PPP1R8: variants seen among roughly 807,000 people sequenced by gnomAD.
PPP1R8 encodes the protein protein phosphatase 1 regulatory subunit 8.
A neutral mutation model predicts 31.3 loss-of-function variants in PPP1R8; 4 were observed. That is an observed-to-expected ratio of 0.13 (90% CI 0.06 to 0.29). The LOEUF (loss-of-function observed/expected upper bound fraction) is 0.29, where lower values mean the gene tolerates loss of function less well. PPP1R8 is among the 10% of genes least tolerant of loss of function. The pLI is 1.00. For missense variants in PPP1R8, 254 were observed against 440.1 expected, an observed-to-expected ratio of 0.58 and a Z score of 3.78; for synonymous variants, 170 against 169.7, an observed-to-expected ratio of 1.00 and a Z score of -0.01.
At chr1:27,838,918 T>C in intron 3 of PPP1R8, 66 bp downstream of exon 3, 1 of 1,379,930 alleles carries the variant, frequency 7.2e-7, no homozygotes, top group East Asian at 2.5e-5. Flanking sequence ...TTGGGTTCTT[T>C]AGTTTGGAAA....
In PPP1R8 at chr1:27,850,185, G is replaced by A; in HGVS notation, c.795G>A (p.Gly265=). ...QNFAFSGGLY[G]GLPPTHSEAG... ...TTGCCTTCAGCGGAGGACTCTACGG[G>A]GGCCTGCCCCCCACACACAGTGAAG... is the stretch of plus-strand genomic sequence containing the variant. Residue 265 remains glycine, a synonymous_variant, in exon 7 of 7, where the codon GGG becomes GGA. Coordinates refer to ENST00000311772, the MANE Select transcript of PPP1R8 (RefSeq NM_014110.5). 6.2e-7 allele frequency: 1 copy of A among 1,614,138 alleles called. No homozygotes were observed. Among genetic ancestry groups the A allele is most frequent in the South Asian group, 1.1e-5 (1 of 91,074 alleles).
intron 6 of PPP1R8, among the ~76,000 whole-genome samples, chr1:27,847,872 A>G (rs2089300861): frequency 6.6e-6 from 1 of 152,248 alleles, no homozygotes; most frequent in Non-Finnish European, 1.5e-5. Flanking sequence ...AAGGCTGTAG[A>G]TAACTAGCCA....
intron 1 of PPP1R8, chr1:27,831,273 C>T (rs970830474): frequency 1.7e-5 from 17 of 1,009,442 alleles, no homozygotes; most frequent in Non-Finnish European, 1.9e-5. Context: ...CTCGAGCCAG[C>T]CCCGGCCCCA....
At chr1:27,849,210 A>G (rs2089315107) in intron 6 of PPP1R8, among the ~76,000 whole-genome samples, 1 of 152,046 alleles carries the variant, frequency 6.6e-6, no homozygotes, top group Admixed American at 6.6e-5. Flanking sequence ...TGTCTCTACT[A>G]AAAATACAAA....
rs925002005 is a variant in PPP1R8 at position 27,848,169 on chromosome 1, G to A, written c.702+1077G>A. Among the ~76,000 whole-genome samples, 6 of 152,132 alleles carry A rather than the reference G, an allele frequency of 3.9e-5. No individual in the cohort carries two copies. In the South Asian group the frequency reaches 6.2e-4, roughly 16 times the overall value. On this transcript the variant is annotated intron_variant, in intron 6 of 6. Coordinates refer to ENST00000311772, the MANE Select transcript of PPP1R8 (RefSeq NM_014110.5). ...TGTAATCCCAGCACTTTGGGAGGCC[G>A]AGGTGGGCAGATTACAAGGTCAGGA...
intron 5 of PPP1R8, among the ~76,000 whole-genome samples, chr1:27,845,882 C>T (rs1034259670): frequency 2.7e-5 from 4 of 149,988 alleles, no homozygotes; most frequent in African/African-American, 4.9e-5. Context: ...CTCCACCTCC[C>T]GGGTTCACGC....
intron 1 of PPP1R8, chr1:27,831,290 C>T (rs1056955440): frequency 3.1e-5 from 31 of 1,002,630 alleles, no homozygotes; most frequent in Non-Finnish European, 3.7e-5. Flanking sequence ...CCCAACCCTA[C>T]CTCCAAGCCC....
In PPP1R8 at chr1:27,831,057, C is replaced by T. The variant is rs994354241; in HGVS notation, c.56+166C>T. On this transcript the variant is annotated intron_variant, in intron 1 of 6. Transcript: ENST00000311772. ...CCGGGCCGGGCGACGTGTTGAAGAA[C>T]CGAGAGCCTGGAGCCCAGGCCCAGG... is the stretch of plus-strand genomic sequence containing the variant. The T allele has an allele frequency of 5.0e-6, 7 of 1,391,366 alleles. No homozygotes were observed. In the African/African-American group the frequency reaches 6.0e-5, roughly 12 times the overall value. 86.2% of individuals were successfully genotyped at this position (1,391,366 alleles called of 1,614,324 possible).
rs757465658 is a variant in PPP1R8, at chr1:27,830,908, C to T, written c.56+17C>T. 1.9e-5 allele frequency: 30 copies of T among 1,559,922 alleles called. No individual in the cohort carries two copies. The highest frequency in any genetic ancestry group is 2.4e-5 in the Non-Finnish European group (28 of 1,152,926). On this transcript the variant is annotated intron_variant, in intron 1 of 6. Transcript: ENST00000311772. ...CCCAACCTGGTGAGTGGCGGGGCGG[C>T]CAGGGCTAGAGTGGCCCGGCCGGAG...
intron 2 of PPP1R8, among the ~76,000 whole-genome samples, chr1:27,835,271 T>C (rs2089153674): frequency 6.6e-6 from 1 of 152,200 alleles, no homozygotes; most frequent in Non-Finnish European, 1.5e-5. Context: ...TGTGACAGCA[T>C]AATCCATGTG....
intron 1 of PPP1R8, among the ~76,000 whole-genome samples, chr1:27,832,249 G>T (rs2089117217): frequency 6.6e-6 from 1 of 152,124 alleles, no homozygotes; most frequent in African/African-American, 2.4e-5. Flanking sequence ...TGGTTTCATG[G>T]GGCATGATTT....
intron 1 of PPP1R8, 93 bp from the exon 2 acceptor site, chr1:27,832,662 TG>T: frequency 1.0e-6 from 1 of 993,998 alleles, no homozygotes; most frequent in Non-Finnish European, 1.5e-6. Flanking sequence ...AATTATAGGC[TG>T]GTAGGAGAGC....
intron 3 of PPP1R8, 128 bp from the exon 4 acceptor site, chr1:27,840,886 A>G: frequency 1.1e-6 from 1 of 910,136 alleles, no homozygotes; most frequent in South Asian, 1.6e-5. Context: ...TTAAAAACAG[A>G]CAAAAAAGCA....
chr1:27,830,899 G>GCGGGGCGGC lies in PPP1R8; in HGVS notation c.56+10_56+18dup. ...GTTCGACTGCCCAACCTGGTGAGTG[G>GCGGGGCGGC]CGGGGCGGCCAGGGCTAGAGTGGCC... On this transcript the variant is annotated intron_variant, in intron 1 of 6. Transcript: ENST00000311772. 6.4e-7 allele frequency: 1 copy of GCGGGGCGGC among 1,564,158 alleles called. No homozygotes were observed. Among genetic ancestry groups the GCGGGGCGGC allele is most frequent in the Non-Finnish European group, 8.7e-7 (1 of 1,155,186 alleles).
rs148565168 is a variant in PPP1R8, at chr1:27,843,378, C to T, written c.637+48C>T. 1,677 of 1,608,840 alleles carry T rather than the reference C, an allele frequency of 1.0e-3. 16 individuals are homozygous for T. The African/African-American group carries it at 0.019, about 18-fold the overall frequency. ...TCTGATGAAAAAGCTGTGGTTGGCCCGGGCGCGGTGGCTCACGCCTGTAGT... is the reference window on the plus strand; with the variant it reads ...TCTGATGAAAAAGCTGTGGTTGGCCTGGGCGCGGTGGCTCACGCCTGTAGT... On this transcript the variant is annotated intron_variant, in intron 5 of 6. Transcript: ENST00000311772.
chr1:27,843,561 A>G (rs1450173692), intron 5 of PPP1R8, among the ~76,000 whole-genome samples: 1 of 151,876 alleles, frequency 6.6e-6, no homozygotes, highest in Non-Finnish European at 1.5e-5. Context: ...TTGGGAGGTT[A>G]AGGCAGGAGA....
chr1:27,831,299 C>G, intron 1 of PPP1R8: 9 of 1,001,210 alleles, frequency 9.0e-6, no homozygotes, highest in Non-Finnish European at 1.1e-5. Flanking sequence ...ACCTCCAAGC[C>G]CCGCATCCCT....
Position 27,850,162 on chromosome 1 carries a change from G to C in PPP1R8, c.772G>C (p.Ala258Pro). 6.2e-7 allele frequency: 1 copy of C among 1,613,416 alleles called. No homozygotes were observed. The highest frequency in any genetic ancestry group is 8.5e-7 in the Non-Finnish European group (1 of 1,179,634). ...ESGSRRMQNF[A>P]FSGGLYGGLP... ...AGGGAGCAGGCGCATGCAGAACTTT[G>C]CCTTCAGCGGAGGACTCTACGGGGG... The change falls in exon 7 of 7, where the codon GCC becomes CCC. Residue 258 changes from alanine to proline, a missense_variant. By Grantham distance (27) the Ala-to-Pro change is conservative. This residue lies in a region of PPP1R8 where 105 missense variants were observed against 128.0 expected (regional missense o/e 0.82). Coordinates refer to ENST00000311772, the MANE Select transcript of PPP1R8 (RefSeq NM_014110.5).
chr1:27,830,889 C>T lies in PPP1R8; in HGVS notation c.54C>T (p.Thr18=), dbSNP rs767857758. 6.4e-7 allele frequency: 1 copy of T among 1,569,852 alleles called. No individual in the cohort carries two copies. Among genetic ancestry groups the T allele is most frequent in the Non-Finnish European group, 8.6e-7 (1 of 1,158,378 alleles). The change falls in exon 1 of 7, where the codon ACC becomes ACT. Residue 18 remains threonine (T), a splice_region_variant and synonymous_variant. Coordinates refer to ENST00000311772, the MANE Select transcript of PPP1R8 (RefSeq NM_014110.5). ...GSSLPLFDCP[T]WAGKPPPGLH... ...GCCTCCCGCTGTTCGACTGCCCAACCTGGTGAGTGGCGGGGCGGCCAGGGC... is the reference window on the plus strand; with the variant it reads ...GCCTCCCGCTGTTCGACTGCCCAACTTGGTGAGTGGCGGGGCGGCCAGGGC...
Sources: gnomAD v4.1 joint callset for allele counts (sites outside exome capture counted in the v4.1 genomes callset) on GRCh38, gnomAD v4.1.1 for gene constraint, gnomAD v4.1.1 regional missense constraint, MANE v1.5 for transcripts, NCBI Gene and HGNC (gene_info 2026-07-23, HGNC 2026-07-21) for gene names.